Variants in PADI6 observed in about 807,000 individuals in gnomAD.
PADI6 encodes inactive protein-arginine deiminase type-6.
PADI6 carries 66 observed loss-of-function variants against 78.2 expected under a neutral mutation model. That is an observed-to-expected ratio of 0.84 (90% confidence interval 0.69 to 1.04). PADI6 has a LOEUF of 1.04. PADI6 is among the 50% of genes least tolerant of loss of function. The pLI, the probability that PADI6 is intolerant of heterozygous loss-of-function variation, is 0.00. For missense variants in PADI6, 854 were observed against 866.1 expected (o/e 0.99, Z 0.18); for synonymous variants, 397 against 346.9 (o/e 1.14, Z -1.60).
chr1:17,392,658 C>G (rs2075199435), intron 9 of PADI6, among the ~76,000 whole-genome samples: 1 of 152,172 alleles, frequency 6.6e-6, no homozygotes, highest in Admixed American at 6.5e-5. Flanking sequence ...TCCTGAGCAC[C>G]AGAGATAAAC....
At position 17,400,208 on chromosome 1, in the gene PADI6, C is replaced by CA. The variant is rs34308317; in HGVS notation, c.1852-982dup. ...CAAGACCTTGTCTGATAAACCAAAC[C>CA]AAAAAAAAAAAAAAACATTCTGGGG... On this transcript the variant is annotated intron_variant, in intron 15 of 15. Coordinates refer to ENST00000619609, the MANE Select transcript of PADI6 (RefSeq NM_207421.4). 4.7e-3 allele frequency among the ~76,000 whole-genome samples: 642 copies of CA among 135,568 alleles called. 2 individuals carry two copies. The highest frequency in any genetic ancestry group is 0.012 in the African/African-American group (457 of 36,704). The allele number at this position is 135,568 out of a possible 152,430, so 88.9% of individuals were successfully genotyped here.
chr1:17,392,119 T>G lies in PADI6; in HGVS notation c.968T>G (p.Leu323Arg). 6.4e-7 allele frequency: 1 copy of G among 1,555,846 alleles called. No individual in the cohort carries two copies. Among genetic ancestry groups the G allele is most frequent in the Non-Finnish European group, 8.7e-7 (1 of 1,149,540 alleles). Reference protein sequence around the residue: ...VPLEVYLCRELQLQGFVDTVT... With the variant: ...VPLEVYLCRERQLQGFVDTVT... ...TGGCTTCTCTCCCATGGCAGGGAGCTGCAGCTGCAGGGTTTTGTGGACACA... is the reference window on the plus strand; with the variant it reads ...TGGCTTCTCTCCCATGGCAGGGAGCGGCAGCTGCAGGGTTTTGTGGACACA... The change falls in exon 9 of 16, where the codon CTG becomes CGG. Residue 323 changes from leucine to arginine, a missense_variant. By Grantham distance (102) the Leu-to-Arg change is moderately radical. Transcript: ENST00000619609.
chr1:17,398,928 A>C (rs1043026226), intron 15 of PADI6, 81 bp downstream of exon 15: 19 of 1,443,936 alleles, frequency 1.3e-5, no homozygotes, highest in Non-Finnish European at 1.6e-5. Context: ...GCTGGACTGC[A>C]GATATGGTGG....
intron 3 of PADI6, 24 bp from the exon 4 acceptor site, chr1:17,379,896 G>A (rs375350861): frequency 3.7e-6 from 6 of 1,610,378 alleles, no homozygotes; most frequent in Middle Eastern, 1.7e-4. Context: ...AAGGTGGCTG[G>A]GACACCCTTT....
chr1:17,397,813 CATT>C (rs1235077060), intron 14 of PADI6, among the ~76,000 whole-genome samples: 1 of 152,122 alleles, frequency 6.6e-6, no homozygotes. Context: ...ATGTGTTGCT[CATT>C]ATACTCAAGC....
chr1:17,375,393 C>G, intron 2 of PADI6, 34 bp from the exon 3 acceptor site: 1 of 1,587,998 alleles, frequency 6.3e-7, no homozygotes, highest in Non-Finnish European at 8.6e-7. Flanking sequence ...TCCCGTCCAA[C>G]ACTGCCTATG....
At chr1:17,390,518 C>A (rs528362860) in intron 8 of PADI6, among the ~76,000 whole-genome samples, 1 of 151,474 alleles carries the variant, frequency 6.6e-6, no homozygotes, top group Non-Finnish European at 1.5e-5. Context: ...GCAGGAGAAT[C>A]TCTTGAACCC....
intron 3 of PADI6, among the ~76,000 whole-genome samples, chr1:17,377,428 C>G (rs1430594877): frequency 6.6e-6 from 1 of 152,176 alleles, no homozygotes; most frequent in Non-Finnish European, 1.5e-5. Flanking sequence ...AGTGAAGTGT[C>G]TCAGGCTCAG....
chr1:17,396,743 T>C (rs1258493281), intron 13 of PADI6, among the ~76,000 whole-genome samples: 2 of 152,192 alleles, frequency 1.3e-5, no homozygotes, highest in East Asian at 3.8e-4. Context: ...CCAGGTTGTA[T>C]TGGCATAAGG....
rs534304823 is a variant in PADI6 at position 17,376,405 on chromosome 1, T to TTC, written c.367+909_367+910dup. ...CATTCCACCTCCCAGGTTCACACCATTCTCCTGCCTCAGCCTCCCGAGTAG... is the reference window on the plus strand; with the variant it reads ...CATTCCACCTCCCAGGTTCACACCATTCTCTCCTGCCTCAGCCTCCCGAGTAG... On this transcript the variant is annotated intron_variant, in intron 3 of 15. Transcript: ENST00000619609. Among the ~76,000 whole-genome samples, 186 of 152,078 alleles carry TTC rather than the reference T, an allele frequency of 1.2e-3. 1 individual carries two copies. The highest frequency in any genetic ancestry group is 4.1e-3 in the African/African-American group (171 of 41,456).
chr1:17,372,390 G>T, intron 1 of PADI6, 29 bp downstream of exon 1: 1 of 1,604,054 alleles, frequency 6.2e-7, no homozygotes, highest in Non-Finnish European at 8.5e-7. Context: ...TGCCAGAGGT[G>T]GCAGGCAGAC....
At chr1:17,375,307 C>T (rs577986793) in intron 2 of PADI6, 120 bp from the exon 3 acceptor site, 21 of 902,298 alleles carry the variant, frequency 2.3e-5, no homozygotes, top group African/African-American at 1.8e-4. Context: ...ATAGGTGAGA[C>T]TTCAGAAGCC....
intron 6 of PADI6, among the ~76,000 whole-genome samples, chr1:17,386,905 A>C (rs919230139): frequency 8.5e-5 from 13 of 152,330 alleles, no homozygotes; most frequent in Admixed American, 3.3e-4. Flanking sequence ...GGAGCTGGAG[A>C]TGGAGGCAGC....
At chr1:17,389,488 C>T (rs778892312) in intron 8 of PADI6, among the ~76,000 whole-genome samples, 41 of 152,144 alleles carry the variant, frequency 2.7e-4, no homozygotes, top group African/African-American at 8.5e-4. Context: ...GGTCCAGGCC[C>T]GGGCCCCAGG....
chr1:17,390,370 C>G (rs574936674), intron 8 of PADI6, among the ~76,000 whole-genome samples: 17 of 150,246 alleles, frequency 1.1e-4, no homozygotes, highest in Non-Finnish European at 1.2e-4. Flanking sequence ...GAGGCTGAGG[C>G]GGGCGGATCA....
intron 1 of PADI6, 95 bp downstream of exon 1, chr1:17,372,456 C>T (rs1038395267): frequency 3.5e-6 from 4 of 1,152,024 alleles, no homozygotes; most frequent in African/African-American, 1.5e-5. Context: ...GGTTACTTCT[C>T]TAGCCTCACT....
At chr1:17,387,634 G>A (rs1023347158) in intron 6 of PADI6, among the ~76,000 whole-genome samples, 3 of 152,134 alleles carry the variant, frequency 2.0e-5, no homozygotes, top group Non-Finnish European at 4.4e-5. Flanking sequence ...GGTGCCTGCA[G>A]TTCCAGCTAC....
intron 6 of PADI6, among the ~76,000 whole-genome samples, chr1:17,382,661 C>A (rs891997538): frequency 1.3e-5 from 2 of 150,382 alleles, no homozygotes; most frequent in African/African-American, 4.9e-5. Context: ...CCAACTCCAG[C>A]AAAACAGCCT....
At chr1:17,389,511 C>T (rs1209090379) in intron 8 of PADI6, among the ~76,000 whole-genome samples, 3 of 152,278 alleles carry the variant, frequency 2.0e-5, no homozygotes, top group South Asian at 4.1e-4. Flanking sequence ...GGAGAAAGAG[C>T]CAAGATTTGG....
Sources: allele counts gnomAD v4.1 joint callset (sites outside exome capture counted in the v4.1 genomes callset), GRCh38; gene constraint gnomAD v4.1.1; transcripts MANE v1.5; gene names NCBI Gene and HGNC (gene_info 2026-07-23, HGNC 2026-07-21).